The following SWT1 variants were observed in gnomAD, a reference collection of about 807,000 sequenced individuals.
SWT1 encodes the protein transcriptional protein SWT1.
SWT1 carries 33 observed loss-of-function variants against 107.3 expected under a neutral mutation model. That is an observed-to-expected ratio of 0.31 (90% confidence interval 0.23 to 0.41). SWT1 has a LOEUF of 0.41. Ranked by LOEUF, SWT1 falls within the 10% of genes least tolerant of loss-of-function variation. SWT1 has a pLI of 1.00. For synonymous variants in SWT1, 345 were observed against 348.3 expected (o/e 0.99, Z 0.11); for missense variants, 898 against 1,028.9 (o/e 0.87, Z 1.74).
intron 14 of SWT1, among the ~76,000 whole-genome samples, chr1:185,215,399 A>C (rs2102503158): frequency 6.6e-6 from 1 of 152,322 alleles, no homozygotes; most frequent in Admixed American, 6.5e-5. Context: ...TTAATCATGA[A>C]ATTAACATTG....
At chr1:185,257,077 C>T (rs1346796264) in intron 16 of SWT1, among the ~76,000 whole-genome samples, 2 of 152,114 alleles carry the variant, frequency 1.3e-5, no homozygotes, top group African/African-American at 2.4e-5. Context: ...GGGGGTGCCT[C>T]CCAGTTAGGC....
At chr1:185,233,100 G>A (rs1435800331) in intron 16 of SWT1, among the ~76,000 whole-genome samples, 1 of 152,100 alleles carries the variant, frequency 6.6e-6, no homozygotes, top group African/African-American at 2.4e-5. Flanking sequence ...ATCAGAAACT[G>A]TGGGTATGAG....
At chr1:185,180,691 G>A (rs1482854744) in intron 6 of SWT1, among the ~76,000 whole-genome samples, 1 of 152,192 alleles carries the variant, frequency 6.6e-6, no homozygotes, top group African/African-American at 2.4e-5. Flanking sequence ...TGAAACCAGT[G>A]GCCCACAAGT....
At chr1:185,256,438 C>G (rs1441832875) in intron 16 of SWT1, among the ~76,000 whole-genome samples, 1 of 151,576 alleles carries the variant, frequency 6.6e-6, no homozygotes, top group South Asian at 2.1e-4. Flanking sequence ...TAGATTTGGT[C>G]TTTTCACATA....
chr1:185,239,811 C>T (rs1661139376), intron 16 of SWT1, among the ~76,000 whole-genome samples: 1 of 151,930 alleles, frequency 6.6e-6, no homozygotes, highest in Non-Finnish European at 1.5e-5. Flanking sequence ...TCAAGTAACT[C>T]TTAAGACCAC....
intron 16 of SWT1, among the ~76,000 whole-genome samples, chr1:185,244,912 C>G (rs910744602): frequency 6.6e-6 from 1 of 151,972 alleles, no homozygotes; most frequent in Non-Finnish European, 1.5e-5. Context: ...GAGACACCGT[C>G]TCTGCAAAAA....
intron 16 of SWT1, among the ~76,000 whole-genome samples, chr1:185,239,644 G>A (rs1262297422): frequency 6.6e-6 from 1 of 151,794 alleles, no homozygotes; most frequent in Non-Finnish European, 1.5e-5. Flanking sequence ...GGATTAATTT[G>A]AGCACTTTTG....
At chr1:185,222,762 C>CAAAAA (rs59515070) in intron 15 of SWT1, among the ~76,000 whole-genome samples, 3 of 36,048 alleles carry the variant, frequency 8.3e-5, no homozygotes, top group African/African-American at 1.8e-4. Context: ...GACGCCATCT[C>CAAAAA]AAAAAAAAAA....
intron 15 of SWT1, among the ~76,000 whole-genome samples, chr1:185,225,192 T>C (rs1659958680): frequency 6.6e-6 from 1 of 152,200 alleles, no homozygotes; most frequent in East Asian, 1.9e-4. Flanking sequence ...ATTTTTGTCT[T>C]TGATTCTGTT....
At chr1:185,158,389 T>C (rs1297118973) in intron 1 of SWT1, among the ~76,000 whole-genome samples, 1 of 151,872 alleles carries the variant, frequency 6.6e-6, no homozygotes, top group Admixed American at 6.6e-5. Context: ...TTATCTAGTA[T>C]TCCTGAATGT....
intron 3 of SWT1, among the ~76,000 whole-genome samples, chr1:185,167,198 C>A (rs1214469349): frequency 2.6e-5 from 4 of 152,122 alleles, no homozygotes; most frequent in African/African-American, 9.7e-5. Flanking sequence ...TTTGAGGTAG[C>A]CAAGGCAGAT....
At chr1:185,157,913 G>A (rs868738064) in intron 1 of SWT1, among the ~76,000 whole-genome samples, 2 of 152,024 alleles carry the variant, frequency 1.3e-5, no homozygotes, top group African/African-American at 2.4e-5. Flanking sequence ...TTCACTCTTA[G>A]TGCCTACTTG....
intron 15 of SWT1, chr1:185,226,943 G>A: frequency 2.0e-6 from 2 of 1,012,326 alleles, no homozygotes; most frequent in Non-Finnish European, 3.0e-6. Context: ...TCTTTTCATA[G>A]ACTGGATTCT....
At chr1:185,217,826 C>G (rs1659338125) in intron 14 of SWT1, among the ~76,000 whole-genome samples, 1 of 152,134 alleles carries the variant, frequency 6.6e-6, no homozygotes, top group Admixed American at 6.6e-5. Flanking sequence ...GAACTCCTGC[C>G]CTCAGGTGAT....
chr1:185,271,744 T>A (rs1436190077), intron 17 of SWT1, among the ~76,000 whole-genome samples: 1 of 152,204 alleles, frequency 6.6e-6, no homozygotes, highest in African/African-American at 2.4e-5. Flanking sequence ...TACAGTCTTA[T>A]TAACTATAGA....
intron 16 of SWT1, among the ~76,000 whole-genome samples, chr1:185,248,194 G>T (rs1019585956): frequency 6.6e-6 from 1 of 152,194 alleles, no homozygotes; most frequent in East Asian, 1.9e-4. Context: ...CTGTAGTTCA[G>T]TGTGTTTCCA....
chr1:185,214,426 A>G, intron 13 of SWT1, 81 bp from the exon 14 acceptor site: 5 of 1,114,894 alleles, frequency 4.5e-6, no homozygotes, highest in African/African-American at 1.6e-5. Flanking sequence ...AAATTTCAAA[A>G]TTAATATTAG....
At chr1:185,237,201 G>A (rs1164462006) in intron 16 of SWT1, among the ~76,000 whole-genome samples, 1 of 152,100 alleles carries the variant, frequency 6.6e-6, no homozygotes, top group Non-Finnish European at 1.5e-5. Context: ...CCGTTCCTGG[G>A]TATATATCCA....
In SWT1 at chr1:185,255,047, CAT is replaced by C. The variant is rs1662372501; in HGVS notation, c.2442-16275_2442-16274del. 2.6e-5 allele frequency among the ~76,000 whole-genome samples: 4 copies of C among 152,126 alleles called. No individual in the cohort carries two copies. The South Asian group carries it at 8.3e-4, about 32-fold the overall frequency. On this transcript the variant is annotated intron_variant, in intron 16 of 18. Coordinates refer to ENST00000367500, the MANE Select transcript of SWT1 (RefSeq NM_017673.7). ...TTCATTTCGTTATGTACCCAGTAGTCATTCAGGAGCAGGTTGTTCAGTTTCCA... is the reference window on the plus strand; with the variant it reads ...TTCATTTCGTTATGTACCCAGTAGTCTCAGGAGCAGGTTGTTCAGTTTCCA...
Sources: allele counts gnomAD v4.1 joint callset (sites outside exome capture counted in the v4.1 genomes callset), GRCh38; gene constraint gnomAD v4.1.1; transcripts MANE v1.5; gene names NCBI Gene and HGNC (gene_info 2026-07-23, HGNC 2026-07-21).